ERC2: variants seen among roughly 807,000 people sequenced by gnomAD.
The protein encoded by ERC2 is ERC protein 2.
A neutral mutation model predicts 114.8 loss-of-function variants in ERC2; 42 were observed. The observed-to-expected ratio is 0.37, with a 90% confidence interval of 0.29 to 0.47. ERC2 has a LOEUF of 0.47. Ranked by LOEUF, ERC2 falls within the 20% of genes least tolerant of loss-of-function variation. ERC2 has a pLI of 0.99. For synonymous variants in ERC2, 454 were observed against 425.5 expected (o/e 1.07, Z -0.82); for missense variants, 939 against 1,150.7 (o/e 0.82, Z 2.66).
intron 3 of ERC2, among the ~76,000 whole-genome samples, chr3:56,242,323 G>A (rs150206205): frequency 1.3e-5 from 2 of 152,128 alleles, no homozygotes; most frequent in Non-Finnish European, 1.5e-5. Context: ...GGGAAGGATG[G>A]AAGGCGGAAG....
chr3:56,352,255 A>G (rs2058582568), intron 2 of ERC2, among the ~76,000 whole-genome samples: 1 of 152,214 alleles, frequency 6.6e-6, no homozygotes, highest in African/African-American at 2.4e-5. Context: ...TAGAAATATT[A>G]AAACCTAAAC....
At chr3:55,578,564 A>G (rs541795758) in intron 17 of ERC2, among the ~76,000 whole-genome samples, 1 of 152,360 alleles carries the variant, frequency 6.6e-6, no homozygotes, top group East Asian at 1.9e-4. Flanking sequence ...CCTTATAAAA[A>G]ATACAGTGAA....
intron 14 of ERC2, among the ~76,000 whole-genome samples, chr3:55,837,988 TA>T (rs2060973420): frequency 6.6e-6 from 1 of 151,528 alleles, no homozygotes; most frequent in African/African-American, 2.4e-5. Flanking sequence ...AAAGAGTCCC[TA>T]GTAATAAAAG....
At chr3:55,972,483 G>A (rs2069241347) in intron 12 of ERC2, among the ~76,000 whole-genome samples, 1 of 152,052 alleles carries the variant, frequency 6.6e-6, no homozygotes, top group Non-Finnish European at 1.5e-5. Flanking sequence ...TGTGTCCATG[G>A]ATTCTCACTA....
At chr3:56,378,582 A>C (rs1043039291) in intron 2 of ERC2, among the ~76,000 whole-genome samples, 1 of 142,958 alleles carries the variant, frequency 7.0e-6, no homozygotes, top group African/African-American at 2.8e-5. Context: ...AAAAAAAAAA[A>C]AAAACAAAGG....
chr3:56,270,169 TAA>T (rs746514541), intron 3 of ERC2, among the ~76,000 whole-genome samples: 3 of 136,646 alleles, frequency 2.2e-5, no homozygotes, highest in Non-Finnish European at 3.1e-5. Context: ...CAAGAGCACC[TAA>T]AAAAAAAAAA....
intron 13 of ERC2, among the ~76,000 whole-genome samples, chr3:55,930,197 C>T (rs1376608196): frequency 6.6e-6 from 1 of 152,084 alleles, no homozygotes; most frequent in Non-Finnish European, 1.5e-5. Flanking sequence ...TGAGATGGCA[C>T]CACTGCACTC....
chr3:56,348,405 G>C (rs1338692809), intron 2 of ERC2, among the ~76,000 whole-genome samples: 14 of 151,860 alleles, frequency 9.2e-5, no homozygotes. Context: ...TGGGTGGTGG[G>C]GCCAGTGGGG....
chr3:55,838,827 C>T (rs2061008442), intron 14 of ERC2, among the ~76,000 whole-genome samples: 1 of 151,806 alleles, frequency 6.6e-6, no homozygotes, highest in South Asian at 2.1e-4. Context: ...GTTCATAAAT[C>T]TGACATTGAT....
rs80039822 is a variant in ERC2 at position 55,523,834 on chromosome 3, G to C, written c.*40-12558C>G. On this transcript the variant is annotated intron_variant, in intron 17 of 17. Coordinates refer to ENST00000288221, the MANE Select transcript of ERC2 (RefSeq NM_015576.3). ...CTGTGTGCCAGGAATAGCCCCAAAT[G>C]CTTCTGCAGCAGTGATTTTCAACCT... Among the ~76,000 whole-genome samples the C allele has an allele frequency of 3.9e-3, 594 of 152,284 alleles. 2 individuals carry two copies. The highest frequency in any genetic ancestry group is 6.7e-3 in the Non-Finnish European group (457 of 68,022).
At chr3:55,870,371 G>A (rs889904457) in intron 14 of ERC2, among the ~76,000 whole-genome samples, 9 of 152,190 alleles carry the variant, frequency 5.9e-5, no homozygotes, top group African/African-American at 1.9e-4. Context: ...CACCATACCC[G>A]GCAGGGTAGA....
chr3:56,149,015 C>G lies in ERC2; in HGVS notation c.1267G>C (p.Glu423Gln), dbSNP rs932873904. 2 of 1,613,290 alleles carry G rather than the reference C, an allele frequency of 1.2e-6. No individual in the cohort carries two copies. Among genetic ancestry groups the G allele is most frequent in the African/African-American group, 2.7e-5 (2 of 74,898 alleles). ...EDREEEIKQI[E>Q]VYKSHSKFMK... ...AACTTGGAGTGACTTTTGTAAACCT[C>G]AATTTGTTTGATCTCTTCTTCGCGG... is the stretch of plus-strand genomic sequence containing the variant. Residue 423 changes from glutamate (E) to glutamine (Q), a missense_variant, in exon 5 of 18, where the codon GAG (glutamate) becomes CAG (glutamine). Coordinates refer to ENST00000288221, the MANE Select transcript of ERC2 (RefSeq NM_015576.3).
chr3:55,522,589 G>C (rs1269183056), intron 17 of ERC2, among the ~76,000 whole-genome samples: 1 of 148,590 alleles, frequency 6.7e-6, no homozygotes, highest in Non-Finnish European at 1.5e-5. Context: ...ATTTCAGTGG[G>C]AATCTGAGGC....
chr3:56,416,438 T>C lies in ERC2; in HGVS notation c.657+17913A>G, dbSNP rs546473999. On this transcript the variant is annotated intron_variant, in intron 2 of 17. Transcript: ENST00000288221. ...AGGCAGGGAGAGATTCCCCAAACTA[T>C]GCATCTTGTTCAGTTACCACCCTTC... Among the ~76,000 whole-genome samples the C allele has an allele frequency of 4.1e-4, 62 of 152,142 alleles. No individual in the cohort carries two copies. In the East Asian group the frequency reaches 0.012, roughly 29 times the overall value.
At chr3:55,874,769 C>T (rs2062745997) in intron 14 of ERC2, among the ~76,000 whole-genome samples, 1 of 152,000 alleles carries the variant, frequency 6.6e-6, no homozygotes, top group Admixed American at 6.6e-5. Context: ...TTGAGGCATC[C>T]AGACGCTAGC....
At chr3:56,299,489 G>C (rs1266398335) in intron 2 of ERC2, among the ~76,000 whole-genome samples, 1 of 151,468 alleles carries the variant, frequency 6.6e-6, no homozygotes, top group Non-Finnish European at 1.5e-5. Flanking sequence ...AAGTGCAGTG[G>C]CATGATCTTG....
chr3:56,004,286 CTACTT>C (rs1378313431), intron 10 of ERC2, among the ~76,000 whole-genome samples: 2 of 151,968 alleles, frequency 1.3e-5, no homozygotes, highest in East Asian at 1.9e-4. Context: ...TCTTGGGTGT[CTACTT>C]AAGATGGATG....
chr3:55,631,738 C>T (rs1008314381), intron 17 of ERC2, among the ~76,000 whole-genome samples: 1 of 116,432 alleles, frequency 8.6e-6, no homozygotes, highest in Non-Finnish European at 2.0e-5. Context: ...TGACAGGTGG[C>T]TGGATAAAGA....
chr3:55,642,343 T>G (rs1468111186), intron 17 of ERC2, among the ~76,000 whole-genome samples: 2 of 49,244 alleles, frequency 4.1e-5, no homozygotes, highest in East Asian at 1.3e-3. Flanking sequence ...TTTCTTTTTT[T>G]TTTTCTTTTT....
Sources: allele counts gnomAD v4.1 joint callset (sites outside exome capture counted in the v4.1 genomes callset), GRCh38; gene constraint gnomAD v4.1.1; transcripts MANE v1.5; gene names NCBI Gene and HGNC (gene_info 2026-07-23, HGNC 2026-07-21).